Variants in COL14A1 observed in about 807,000 individuals in gnomAD.
COL14A1 encodes collagen alpha-1(XIV) chain.
Under a neutral mutation model 230.3 loss-of-function variants are expected in COL14A1, and 136 were observed. That is an observed-to-expected ratio of 0.59 (90% confidence interval 0.51 to 0.68). The LOEUF (loss-of-function observed/expected upper bound fraction) is 0.68. Among genes scored for constraint, COL14A1 ranks in the 30% least tolerant of loss-of-function variants. The pLI, the probability that COL14A1 is intolerant of heterozygous loss-of-function variation, is 0.00. For missense variants in COL14A1, 1,976 were observed against 2,215.8 expected (o/e 0.89, Z 2.17); for synonymous variants, 792 against 784.1 (o/e 1.01, Z -0.17).
intron 26 of COL14A1, among the ~76,000 whole-genome samples, chr8:120,276,726 C>A (rs988342129): frequency 1.3e-5 from 2 of 151,586 alleles, no homozygotes; most frequent in African/African-American, 4.8e-5. Flanking sequence ...AGGAGATATA[C>A]CTAATGTAAA....
At chr8:120,370,967 C>T in intron 47 of COL14A1, 185 bp from the exon 48 acceptor site, 1 of 1,095,486 alleles carries the variant, frequency 9.1e-7, no homozygotes, top group East Asian at 2.6e-5. Context: ...TGTATCTTTC[C>T]CTTCGTCTAT....
intron 22 of COL14A1, among the ~76,000 whole-genome samples, chr8:120,251,859 G>A (rs1241463799): frequency 6.6e-6 from 1 of 151,698 alleles, no homozygotes; most frequent in African/African-American, 2.4e-5. Context: ...ACTGCTTTTT[G>A]GCTTAAGAAT....
intron 36 of COL14A1, among the ~76,000 whole-genome samples, chr8:120,301,267 C>T (rs757595356): frequency 1.4e-4 from 21 of 152,002 alleles, no homozygotes; most frequent in Admixed American, 4.6e-4. Context: ...GAACTCATGT[C>T]ACAAGGATTT....
Position 120,365,246 on chromosome 8 carries a change from T to C in COL14A1, c.5078-1925T>C, listed in dbSNP as rs924943286. 1.2e-4 allele frequency among the ~76,000 whole-genome samples: 19 copies of C among 152,288 alleles called. 1 individual carries two copies. Among genetic ancestry groups the C allele is most frequent in the Admixed American group, 1.2e-3 (19 of 15,282 alleles). On this transcript the variant is annotated intron_variant, in intron 45 of 47. Transcript: ENST00000297848. ...TTCCCAGATATCCTCTTCTGCCTGA[T>C]CCATGTCTTCTTGTGGAGAATTAAG...
chr8:120,245,564 AT>A (rs527631208), intron 20 of COL14A1, among the ~76,000 whole-genome samples: 57 of 151,654 alleles, frequency 3.8e-4, no homozygotes, highest in Admixed American at 1.8e-3. Context: ...AACAGTGACC[AT>A]TTTTTTTTAT....
intron 1 of COL14A1, among the ~76,000 whole-genome samples, chr8:120,144,190 CTTG>C (rs71306867): frequency 0.36 from 55,004 of 151,750 alleles, 11,254 homozygotes; most frequent in East Asian, 0.57. Flanking sequence ...AGCTGTCTCT[CTTG>C]TTGTTCAAGA....
chr8:120,153,448 G>C (rs1414926224), intron 2 of COL14A1, among the ~76,000 whole-genome samples: 1 of 152,162 alleles, frequency 6.6e-6, no homozygotes, highest in African/African-American at 2.4e-5. Flanking sequence ...GCCTCCCAAA[G>C]TGCTGGGATT....
At chr8:120,314,342 T>G (rs4871056) in intron 38 of COL14A1, among the ~76,000 whole-genome samples, 76,340 of 152,018 alleles carry the variant, frequency 0.5, 20,319 homozygotes, top group African/African-American at 0.7. Context: ...TGTGATAACA[T>G]TCAGAAAGTA....
intron 4 of COL14A1, among the ~76,000 whole-genome samples, chr8:120,167,769 A>G (rs1815957521): frequency 6.6e-6 from 1 of 152,210 alleles, no homozygotes; most frequent in Non-Finnish European, 1.5e-5. Flanking sequence ...GGCTAAGTCC[A>G]GAGACTTGAA....
At position 120,212,525 on chromosome 8, in the gene COL14A1, T is replaced by C; in HGVS notation, c.1545T>C (p.Tyr515=). 1.2e-6 allele frequency: 2 copies of C among 1,613,682 alleles called. No individual in the cohort carries two copies. Among genetic ancestry groups the C allele is most frequent in the African/African-American group, 1.3e-5 (1 of 75,000 alleles). ...LPNTEYTVTV[Y]AMFGEEASDP... ...ATACAGAATACACAGTCACAGTTTA[T>C]GCCATGTTTGGAGAAGAGGCCAGTG... The change falls in exon 13 of 48, where the codon TAT becomes TAC. Residue 515 remains tyrosine, a synonymous_variant. Transcript: ENST00000297848.
intron 1 of COL14A1, among the ~76,000 whole-genome samples, chr8:120,144,219 A>G (rs904731551): frequency 6.6e-6 from 1 of 152,222 alleles, no homozygotes; most frequent in African/African-American, 2.4e-5. Flanking sequence ...AAAAAACAGT[A>G]GCTCAAATGT....
At chr8:120,167,778 A>G (rs56195648) in intron 4 of COL14A1, among the ~76,000 whole-genome samples, 1,949 of 152,280 alleles carry the variant, frequency 0.013, 28 homozygotes, top group Non-Finnish European at 0.016. Context: ...CAGAGACTTG[A>G]AGATCTGGCT....
At chr8:120,361,715 A>G (rs1823225283) in intron 45 of COL14A1, among the ~76,000 whole-genome samples, 1 of 152,174 alleles carries the variant, frequency 6.6e-6, no homozygotes, top group Admixed American at 6.5e-5. Flanking sequence ...TCGTGGGCAT[A>G]AATCCTGGGA....
intron 35 of COL14A1, among the ~76,000 whole-genome samples, chr8:120,299,682 G>A (rs1386863750): frequency 6.6e-6 from 1 of 151,988 alleles, no homozygotes; most frequent in African/African-American, 2.4e-5. Flanking sequence ...ACTCTAGCTG[G>A]CCAGATTTCA....
At position 120,216,373 on chromosome 8, in the gene COL14A1, C is replaced by T. The variant is rs771120885; in HGVS notation, c.1620C>T (p.Asn540=). The change falls in exon 14 of 48, where the codon AAC becomes AAT. Residue 540 remains asparagine (N), a synonymous_variant. Transcript: ENST00000297848. ...AAGTGGCTTTAAGTCCACCAAGAAA[C>T]CTGAGAATCTCCAATGTTGGCTCTA... ...ETTLALSPPR[N]LRISNVGSNS... is the part of the protein sequence containing the mutation. The T allele has an allele frequency of 6.2e-7, 1 of 1,612,506 alleles. No homozygotes were observed. The highest frequency in any genetic ancestry group is 8.5e-7 in the Non-Finnish European group (1 of 1,179,604).
intron 3 of COL14A1, among the ~76,000 whole-genome samples, chr8:120,162,153 T>C (rs966045481): frequency 6.6e-6 from 1 of 152,186 alleles, no homozygotes; most frequent in African/African-American, 2.4e-5. Flanking sequence ...GTAAAAAGGG[T>C]ACAGCTAAAA....
chr8:120,184,769 A>G (rs886119260), intron 5 of COL14A1, among the ~76,000 whole-genome samples: 6 of 152,166 alleles, frequency 3.9e-5, no homozygotes, highest in Non-Finnish European at 7.4e-5. Flanking sequence ...GTCTCAAGGC[A>G]TGAAAAGCAA....
intron 20 of COL14A1, among the ~76,000 whole-genome samples, chr8:120,244,799 CATCTCCT>C (rs1360180289): frequency 2.6e-5 from 4 of 152,298 alleles, no homozygotes; most frequent in Non-Finnish European, 5.9e-5. Context: ...CTACTCATGC[CATCTCCT>C]ATTCTTCTTA....
chr8:120,168,644 T>A lies in COL14A1; in HGVS notation c.436+397T>A, dbSNP rs141878328. On this transcript the variant is annotated intron_variant, in intron 5 of 47. Coordinates refer to ENST00000297848, the MANE Select transcript of COL14A1 (RefSeq NM_021110.4). ...AGTGATCTTATACTAGTTATCCGAA[T>A]GTCTATGTCTCTATTTCCTTATCTG... Among the ~76,000 whole-genome samples, 429 of 152,322 alleles carry A rather than the reference T, an allele frequency of 2.8e-3. 1 individual carries two copies. Among genetic ancestry groups the A allele is most frequent in the African/African-American group, 9.9e-3 (411 of 41,584 alleles).
Sources: allele counts gnomAD v4.1 joint callset (sites outside exome capture counted in the v4.1 genomes callset), GRCh38; gene constraint gnomAD v4.1.1; transcripts MANE v1.5; gene names NCBI Gene and HGNC (gene_info 2026-07-23, HGNC 2026-07-21).